Variants in ZNRF3 observed in about 807,000 individuals in gnomAD.
ZNRF3 encodes the protein zinc and ring finger 3.
In ZNRF3, 23 loss-of-function variants were observed where a neutral mutation model predicts 72.5. The ratio of observed to expected loss-of-function variants is 0.32; its 90% CI spans 0.23 to 0.45. The LOEUF is 0.45. Among genes scored for constraint, ZNRF3 ranks in the 20% least tolerant of loss-of-function variants. The pLI is 1.00. For missense variants in ZNRF3, 1,169 were observed against 1,272.1 expected, an observed-to-expected ratio of 0.92 and a Z score of 1.23; for synonymous variants, 610 against 545.3, an observed-to-expected ratio of 1.12 and a Z score of -1.65.
intron 2 of ZNRF3, among the ~76,000 whole-genome samples, chr22:28,993,187 C>G (rs919875049): frequency 6.6e-6 from 1 of 152,166 alleles, no homozygotes; most frequent in Non-Finnish European, 1.5e-5. Flanking sequence ...GGAGAGAGAT[C>G]AAGTTACCCT....
At chr22:28,977,607 A>G (rs1232637812) in intron 1 of ZNRF3, among the ~76,000 whole-genome samples, 1 of 152,240 alleles carries the variant, frequency 6.6e-6, no homozygotes, top group Non-Finnish European at 1.5e-5. Context: ...AAAGAACAAA[A>G]GGAAGGAAGT....
At chr22:28,976,040 C>T (rs1175803336) in intron 1 of ZNRF3, among the ~76,000 whole-genome samples, 3 of 152,162 alleles carry the variant, frequency 2.0e-5, no homozygotes, top group Non-Finnish European at 1.5e-5. Flanking sequence ...TGCAGTGTAT[C>T]TTTGTTCTGT....
intron 2 of ZNRF3, chr22:28,992,743 G>T (rs758132669): frequency 6.6e-6 from 1 of 152,300 alleles, no homozygotes; most frequent in Non-Finnish European, 1.5e-5. Flanking sequence ...GAGCTTGTGG[G>T]TGATGTCCTC....
chr22:28,942,906 A>C (rs529632429), intron 1 of ZNRF3, among the ~76,000 whole-genome samples: 1 of 152,218 alleles, frequency 6.6e-6, no homozygotes, highest in East Asian at 1.9e-4. Flanking sequence ...TTTTTTACCG[A>C]GACAGGATTG....
At chr22:28,884,192 C>A in intron 1 of ZNRF3, 126 bp downstream of exon 1, 1 of 731,664 alleles carries the variant, frequency 1.4e-6, no homozygotes, top group Admixed American at 6.0e-5. Context: ...GAGAGGCCGG[C>A]GGCATCCCTC....
At chr22:28,927,105 C>CAA (rs132552) in intron 1 of ZNRF3, among the ~76,000 whole-genome samples, 4 of 115,250 alleles carry the variant, frequency 3.5e-5, no homozygotes, top group Non-Finnish European at 5.5e-5. Flanking sequence ...GACTTCATCT[C>CAA]AAAAAAAAAA....
intron 1 of ZNRF3, among the ~76,000 whole-genome samples, chr22:28,920,244 G>C (rs752103295): frequency 2.6e-5 from 4 of 150,954 alleles, no homozygotes; most frequent in Non-Finnish European, 5.9e-5. Flanking sequence ...GGGTTTACAG[G>C]TGTGAGCCAC....
At position 28,888,106 on chromosome 22, in the gene ZNRF3, G is replaced by C. The variant is rs549222220; in HGVS notation, c.300+4040G>C. Among the ~76,000 whole-genome samples, 138 of 152,298 alleles carry C rather than the reference G, an allele frequency of 9.1e-4. 2 individuals carry two copies. In the South Asian group the frequency reaches 0.023, roughly 26 times the overall value. On this transcript the variant is annotated intron_variant, in intron 1 of 8. Transcript: ENST00000544604. ...AATGCTGAATGGACTTGAAAACAGA[G>C]AGAAGCTGAGGACATTTAAGAACTA...
At chr22:28,995,535 G>A (rs1349024315) in intron 2 of ZNRF3, among the ~76,000 whole-genome samples, 2 of 152,176 alleles carry the variant, frequency 1.3e-5, no homozygotes, top group African/African-American at 4.8e-5. Context: ...AAAGGAAAAA[G>A]AACTCAGGAA....
intron 1 of ZNRF3, among the ~76,000 whole-genome samples, chr22:28,941,783 T>C (rs1005110260): frequency 6.6e-6 from 1 of 152,132 alleles, no homozygotes; most frequent in African/African-American, 2.4e-5. Flanking sequence ...TGGTGGCGCA[T>C]GCCTGTAATC....
At chr22:29,043,460 C>A in intron 4 of ZNRF3, 30 bp downstream of exon 4, 1 of 1,610,644 alleles carries the variant, frequency 6.2e-7, no homozygotes, top group Non-Finnish European at 8.5e-7. Context: ...GGCACAGGCT[C>A]GGGGCCTTCT....
intron 2 of ZNRF3, among the ~76,000 whole-genome samples, chr22:29,032,073 T>C (rs936730140): frequency 6.6e-6 from 1 of 152,206 alleles, no homozygotes; most frequent in African/African-American, 2.4e-5. Context: ...CAGCCAAACC[T>C]GCACTTTCCT....
At chr22:29,015,956 C>T (rs899361630) in intron 2 of ZNRF3, among the ~76,000 whole-genome samples, 3 of 137,936 alleles carry the variant, frequency 2.2e-5, no homozygotes, top group East Asian at 4.5e-4. Context: ...GCTGAGGTTG[C>T]GGTGAGCCAA....
intron 2 of ZNRF3, among the ~76,000 whole-genome samples, chr22:29,010,443 A>G (rs193065612): frequency 6.6e-6 from 1 of 152,178 alleles, no homozygotes; most frequent in Admixed American, 6.5e-5. Context: ...CCTTTTTATG[A>G]TGGAATTATA....
chr22:28,908,207 A>T (rs1315997469), intron 1 of ZNRF3, among the ~76,000 whole-genome samples: 1 of 152,250 alleles, frequency 6.6e-6, no homozygotes, highest in Non-Finnish European at 1.5e-5. Context: ...AAAATGCAGC[A>T]TGCAATGGAA....
intron 1 of ZNRF3, among the ~76,000 whole-genome samples, chr22:28,983,743 C>A (rs5762931): frequency 0.073 from 11,084 of 152,206 alleles, 930 homozygotes; most frequent in African/African-American, 0.2. Flanking sequence ...CATCTCTCAA[C>A]GTGTGTCCCA....
chr22:28,979,995 G>T (rs2035737869), intron 1 of ZNRF3, among the ~76,000 whole-genome samples: 1 of 152,232 alleles, frequency 6.6e-6, no homozygotes, highest in South Asian at 2.1e-4. Flanking sequence ...AAATGGACAT[G>T]ACAGGTCTAG....
At chr22:28,961,442 C>G in intron 1 of ZNRF3, among the ~76,000 whole-genome samples, 1 of 152,146 alleles carries the variant, frequency 6.6e-6, no homozygotes, top group Non-Finnish European at 1.5e-5. Flanking sequence ...TCAGAGGAAA[C>G]AGTGATAGTG....
chr22:28,919,216 C>G (rs1438281454), intron 1 of ZNRF3, among the ~76,000 whole-genome samples: 3 of 152,206 alleles, frequency 2.0e-5, no homozygotes, highest in Admixed American at 2.0e-4. Flanking sequence ...TCCCTTCTTT[C>G]CTGGAAAATG....
Sources: allele counts gnomAD v4.1 joint callset (sites outside exome capture counted in the v4.1 genomes callset), GRCh38; gene constraint gnomAD v4.1.1; transcripts MANE v1.5; gene names NCBI Gene and HGNC (gene_info 2026-07-23, HGNC 2026-07-21).